The following CAMSAP1 variants were observed in gnomAD, a reference collection of about 807,000 sequenced individuals.
CAMSAP1 encodes calmodulin regulated spectrin associated protein 1, also known as calmodulin-regulated spectrin-associated protein 1.
A neutral mutation model predicts 143.5 loss-of-function variants in CAMSAP1; 58 were observed. The observed-to-expected ratio is 0.40, with a 90% CI of 0.33 to 0.50. The LOEUF (loss-of-function observed/expected upper bound fraction) is 0.50, where lower values mean the gene tolerates loss of function less well. Among genes scored for constraint, CAMSAP1 ranks in the 20% least tolerant of loss-of-function variants. The pLI is 0.45. For missense variants in CAMSAP1, 1,969 were observed against 2,115.7 expected (o/e 0.93, Z 1.36); for synonymous variants, 945 against 859.3 (o/e 1.10, Z -1.74).
Position 135,819,117 on chromosome 9 carries a change from G to A in CAMSAP1, c.3852C>T (p.Ala1284=). The part of the protein sequence containing the change: ...KDEQKAEDEL[A]KKRAAFLLKQ... ...TCAGGAGGAAGGCCGCCCGCTTCTT[G>A]GCGAGCTCATCTTCCGCTTTCTGTT... Residue 1284 remains alanine (A), a synonymous_variant, in exon 12 of 17, where the codon GCC becomes GCT. Coordinates refer to ENST00000389532, the MANE Select transcript of CAMSAP1 (RefSeq NM_015447.4). The A allele has an allele frequency of 6.2e-7, 1 of 1,601,932 alleles. No homozygotes were observed. Among genetic ancestry groups the A allele is most frequent in the East Asian group, 2.3e-5 (1 of 44,314 alleles).
intron 4 of CAMSAP1, 60 bp from the exon 5 acceptor site, chr9:135,862,668 T>C: frequency 6.7e-7 from 1 of 1,502,906 alleles, no homozygotes; most frequent in Non-Finnish European, 9.0e-7. Context: ...ACCATATATG[T>C]TACAGGCACA....
At chr9:135,859,189 C>T (rs367823566) in intron 5 of CAMSAP1, among the ~76,000 whole-genome samples, 9 of 152,238 alleles carry the variant, frequency 5.9e-5, no homozygotes, top group African/African-American at 2.2e-4. Context: ...GCAGTCTCAC[C>T]TGTGGCCTTA....
At chr9:135,865,291 T>C (rs1837335565) in intron 4 of CAMSAP1, 1 of 1,547,994 alleles carries the variant, frequency 6.5e-7, no homozygotes. Context: ...CGCGACAGGA[T>C]GGCTCTGTAG....
intron 3 of CAMSAP1, among the ~76,000 whole-genome samples, chr9:135,874,260 C>T (rs1454880685): frequency 6.6e-6 from 1 of 152,128 alleles, no homozygotes; most frequent in Non-Finnish European, 1.5e-5. Context: ...ATCCTTTGAG[C>T]TCAGGAGTTC....
chr9:135,818,341 G>A lies in CAMSAP1; in HGVS notation c.4168+67C>T, dbSNP rs13283314. ...ACTCTTGATGACAAAATTGAAATGA[G>A]CTGAAGAACGTGAGGCCGCCGCCCG... On this transcript the variant is annotated intron_variant, in intron 13 of 16. Coordinates refer to ENST00000389532, the MANE Select transcript of CAMSAP1 (RefSeq NM_015447.4). The surrounding 1 kb of genome is among the most constrained non-coding windows in gnomAD (Gnocchi z 7.7). 1 of 1,464,852 alleles carries A rather than the reference G, an allele frequency of 6.8e-7. No homozygotes were observed. Among genetic ancestry groups the A allele is most frequent in the African/African-American group, 1.4e-5 (1 of 71,462 alleles). The allele number at this position is 1,464,852 out of a possible 1,614,324, so 90.7% of individuals were successfully genotyped here. A position where few individuals can be genotyped will look rare whatever the true frequency, so the allele number is the denominator to read the frequency against.
chr9:135,824,419 C>T lies in CAMSAP1; in HGVS notation c.1315+370G>A, dbSNP rs1390974786. Among the ~76,000 whole-genome samples the T allele has an allele frequency of 6.6e-6, 1 of 152,202 alleles. No individual in the cohort carries two copies. The highest frequency in any genetic ancestry group is 1.5e-5 in the Non-Finnish European group (1 of 68,034). On this transcript the variant is annotated intron_variant, in intron 9 of 16. Coordinates refer to ENST00000389532, the MANE Select transcript of CAMSAP1 (RefSeq NM_015447.4). This position sits in a 1 kb window ranked among gnomAD's most constrained non-coding sequence, Gnocchi z 4.1. ...CAGTGGCTCACACCTGTAATTCCAG[C>T]ACTCTGGGAGGCCGAGGTGGGCAGA...
At position 135,907,240 on chromosome 9, in the gene CAMSAP1, C is replaced by G. The variant is rs906395853; in HGVS notation, c.-81G>C. 1,273 of 906,188 alleles carry G rather than the reference C, an allele frequency of 1.4e-3. 2 individuals are homozygous for G. The highest frequency in any genetic ancestry group is 1.7e-3 in the Non-Finnish European group (1,250 of 753,034). The allele number at this position is 906,188 out of a possible 1,614,324, so 56.1% of individuals were successfully genotyped here. On this transcript the variant is annotated 5_prime_UTR_variant, in exon 1 of 17. Transcript: ENST00000389532. ...TCGCCGCGCCGGGCCCGGTGCGCCC[C>G]GAGCCACCACTCGGCCCCGCAGCCG...
At chr9:135,884,586 T>A (rs1356599419) in intron 1 of CAMSAP1, among the ~76,000 whole-genome samples, 1 of 152,212 alleles carries the variant, frequency 6.6e-6, no homozygotes, top group African/African-American at 2.4e-5. Flanking sequence ...GGGCTCCAGC[T>A]ATGGAAGGCT....
At chr9:135,832,912 A>T (rs182728023) in intron 7 of CAMSAP1, among the ~76,000 whole-genome samples, 25 of 152,302 alleles carry the variant, frequency 1.6e-4, no homozygotes, top group Admixed American at 9.2e-4. Context: ...AAGATATCCC[A>T]TATTCACGGA....
intron 7 of CAMSAP1, among the ~76,000 whole-genome samples, chr9:135,845,756 CTCAT>C (rs1412161351): frequency 6.6e-6 from 1 of 152,126 alleles, no homozygotes; most frequent in Non-Finnish European, 1.5e-5. Flanking sequence ...TGAGTGAACT[CTCAT>C]TCACAACTGC....
chr9:135,904,019 G>A (rs1490656065), intron 1 of CAMSAP1, among the ~76,000 whole-genome samples: 1 of 152,164 alleles, frequency 6.6e-6, no homozygotes, highest in Non-Finnish European at 1.5e-5. Context: ...TCGGTCATCT[G>A]AATTACGATC....
intron 7 of CAMSAP1, among the ~76,000 whole-genome samples, chr9:135,842,698 A>C (rs937871831): frequency 6.6e-6 from 1 of 152,226 alleles, no homozygotes; most frequent in Non-Finnish European, 1.5e-5. Context: ...AACATTCTTA[A>C]AGAAAAGAAT....
chr9:135,857,399 C>T (rs1837017772), intron 5 of CAMSAP1, among the ~76,000 whole-genome samples: 1 of 152,172 alleles, frequency 6.6e-6, no homozygotes, highest in Non-Finnish European at 1.5e-5. Context: ...TATTTCCTTC[C>T]CAAGAACTGG....
At position 135,877,887 on chromosome 9, in the gene CAMSAP1, A is replaced by C. The variant is rs537434587; in HGVS notation, c.585+3746T>G. 3.9e-5 allele frequency among the ~76,000 whole-genome samples: 6 copies of C among 152,326 alleles called. No homozygotes were observed. The South Asian group carries it at 1.2e-3, about 32-fold the overall frequency. ...AATAAAAAATAAAAAGAGCCCCTGC[A>C]AGGTGATTCATGGTGAAACTTCAGA... On this transcript the variant is annotated intron_variant, in intron 3 of 16. Coordinates refer to ENST00000389532, the MANE Select transcript of CAMSAP1 (RefSeq NM_015447.4).
chr9:135,828,606 G>A (rs945749683), intron 7 of CAMSAP1, among the ~76,000 whole-genome samples: 1 of 152,178 alleles, frequency 6.6e-6, no homozygotes, highest in Non-Finnish European at 1.5e-5. Flanking sequence ...AAACTTCTAG[G>A]CCTGGAGAAC....
chr9:135,901,457 C>T lies in CAMSAP1; in HGVS notation c.160+5543G>A, dbSNP rs550642930. 2.0e-5 allele frequency among the ~76,000 whole-genome samples: 3 copies of T among 152,162 alleles called. No individual in the cohort carries two copies. The East Asian group carries it at 5.8e-4, about 29-fold the overall frequency. ...CACCTCTACAAAAAATAATAATTAA[C>T]CGGACCAGGAGGTGCAGGCCTGTGG... On this transcript the variant is annotated intron_variant, in intron 1 of 16. Coordinates refer to ENST00000389532, the MANE Select transcript of CAMSAP1 (RefSeq NM_015447.4).
In CAMSAP1 at chr9:135,822,167, A is replaced by C. The variant is rs72771924; in HGVS notation, c.2494T>G (p.Ser832Ala). Residue 832 changes from serine to alanine, a missense_variant, in exon 11 of 17, where the codon TCC becomes GCC. Physicochemically the swap from Ser to Ala is moderately conservative, Grantham distance 99 (BLOSUM62 1). This residue lies in a region of CAMSAP1 where 1,390 missense variants were observed against 1,420.8 expected (regional missense o/e 0.98). Transcript: ENST00000389532. The surrounding 1 kb of genome is among the most constrained non-coding windows in gnomAD (Gnocchi z 6.1). The stretch of plus-strand genomic sequence containing the variant: ...GTCTTCTGGGAGCTGCTGGTGCTGG[A>C]CTTGGTCTCACAGCTGTTGAGTCTC... Reference protein sequence around the residue: ...LQRLNSCETKSSTSSSQKTTP... With the variant: ...LQRLNSCETKASTSSSQKTTP... The C allele has an allele frequency of 6.2e-7, 1 of 1,613,672 alleles. No individual in the cohort carries two copies. The highest frequency in any genetic ancestry group is 8.5e-7 in the Non-Finnish European group (1 of 1,179,878).
chr9:135,874,287 A>T (rs1181677949), intron 3 of CAMSAP1, among the ~76,000 whole-genome samples: 1 of 152,210 alleles, frequency 6.6e-6, no homozygotes, highest in Non-Finnish European at 1.5e-5. Flanking sequence ...AGCCTGGGCA[A>T]CGTGGCAAAA....
At chr9:135,829,891 C>T (rs1443066030) in intron 7 of CAMSAP1, among the ~76,000 whole-genome samples, 5 of 117,052 alleles carry the variant, frequency 4.3e-5, no homozygotes, top group Non-Finnish European at 9.6e-5. Context: ...AAATAAATAA[C>T]AATAAGTTAT....
Sources: gnomAD v4.1 joint callset for allele counts (sites outside exome capture counted in the v4.1 genomes callset) on GRCh38, gnomAD v4.1.1 for gene constraint, gnomAD v4.1.1 regional missense constraint, Gnocchi (gnomAD v3.1) non-coding constraint, MANE v1.5 for transcripts, NCBI Gene and HGNC (gene_info 2026-07-23, HGNC 2026-07-21) for gene names.